RBFOX1: variants seen among roughly 807,000 people sequenced by gnomAD.
RBFOX1 encodes the protein RNA binding fox-1 homolog 1, also known as RNA binding protein fox-1 homolog 1.
RBFOX1 carries 8 observed loss-of-function variants against 57.7 expected under a neutral mutation model. The ratio of observed to expected loss-of-function variants is 0.14; its 90% CI spans 0.08 to 0.25. The LOEUF is 0.25. Ranked by LOEUF, RBFOX1 falls within the 10% of genes least tolerant of loss-of-function variation. The pLI is 1.00. For missense variants in RBFOX1, 611 were observed against 548.5 expected (o/e 1.11, Z -1.14); for synonymous variants, 326 against 222.4 (o/e 1.47, Z -4.15).
intron 4 of RBFOX1, among the ~76,000 whole-genome samples, chr16:5,935,031 A>G (rs773553582): frequency 2.0e-5 from 3 of 152,220 alleles, no homozygotes; most frequent in Non-Finnish European, 4.4e-5. Context: ...TTTGGGCCAC[A>G]TGATTAAACA....
At chr16:6,519,470 T>G (rs8047527) in intron 2 of RBFOX1, among the ~76,000 whole-genome samples, 123,167 of 152,026 alleles carry the variant, frequency 0.81, 49,911 homozygotes, top group East Asian at 0.89. Flanking sequence ...GGAGGCCAAC[T>G]CAGGAAGATC....
intron 2 of RBFOX1, among the ~76,000 whole-genome samples, chr16:6,532,202 C>A (rs1325296470): frequency 6.6e-6 from 1 of 152,134 alleles, no homozygotes; most frequent in African/African-American, 2.4e-5. Flanking sequence ...CTTTATCTTC[C>A]AGAGTGGGAA....
rs113877362 is a variant in RBFOX1, at chr16:6,835,382, T to C, written c.-16+180732T>C. Among the ~76,000 whole-genome samples the C allele has an allele frequency of 1.1e-3, 171 of 152,208 alleles. 1 individual carries two copies. Among genetic ancestry groups the C allele is most frequent in the African/African-American group, 3.7e-3 (153 of 41,538 alleles). ...TGCATAATCAGGACAGGAAAAGATA[T>C]AGGACCTGTATTAAAGGGACACAAG... On this transcript the variant is annotated intron_variant, in intron 3 of 15. Coordinates refer to ENST00000550418, the MANE Select transcript of RBFOX1 (RefSeq NM_018723.4).
chr16:7,296,898 C>G (rs561830676), intron 4 of RBFOX1, among the ~76,000 whole-genome samples: 14 of 152,286 alleles, frequency 9.2e-5, no homozygotes, highest in African/African-American at 3.1e-4. Flanking sequence ...GCCCCTGAGT[C>G]CTGTGTTTCT....
intron 2 of RBFOX1, among the ~76,000 whole-genome samples, chr16:6,414,718 T>A (rs1310705335): frequency 6.6e-6 from 1 of 152,138 alleles, no homozygotes; most frequent in Non-Finnish European, 1.5e-5. Flanking sequence ...TATAATACAG[T>A]CTCTCTTCAA....
intron 4 of RBFOX1, among the ~76,000 whole-genome samples, chr16:7,104,422 A>C (rs181280852): frequency 6.6e-6 from 1 of 152,106 alleles, no homozygotes; most frequent in Admixed American, 6.6e-5. Context: ...AAAACAGACT[A>C]TTGTCATCCT....
intron 4 of RBFOX1, among the ~76,000 whole-genome samples, chr16:7,112,484 G>C (rs2064996746): frequency 6.6e-6 from 1 of 151,650 alleles, no homozygotes; most frequent in Non-Finnish European, 1.5e-5. Flanking sequence ...TGGGATTACA[G>C]GCATGAGCCA....
At chr16:5,492,335 C>G (rs925091053) in intron 2 of RBFOX1, among the ~76,000 whole-genome samples, 2 of 152,182 alleles carry the variant, frequency 1.3e-5, no homozygotes, top group East Asian at 1.9e-4. Context: ...CTTAGTACTT[C>G]CTGCACGCCA....
chr16:7,419,432 C>G (rs1202038429), intron 4 of RBFOX1, among the ~76,000 whole-genome samples: 1 of 152,238 alleles, frequency 6.6e-6, no homozygotes, highest in Non-Finnish European at 1.5e-5. Context: ...GCATCCCACT[C>G]CCGCCTTGGC....
chr16:6,278,612 A>G (rs1277657831), intron 1 of RBFOX1, among the ~76,000 whole-genome samples: 2 of 152,022 alleles, frequency 1.3e-5, no homozygotes, highest in African/African-American at 2.4e-5. Flanking sequence ...GGGTCTCTAC[A>G]AAGATTTCCT....
chr16:6,687,346 A>C (rs1429498746), intron 3 of RBFOX1, among the ~76,000 whole-genome samples: 1 of 152,216 alleles, frequency 6.6e-6, no homozygotes, highest in Non-Finnish European at 1.5e-5. Context: ...AATGTACACT[A>C]CTTGCGTGAC....
intron 1 of RBFOX1, among the ~76,000 whole-genome samples, chr16:5,331,886 G>A (rs117024625): frequency 6.6e-6 from 1 of 152,236 alleles, no homozygotes; most frequent in Non-Finnish European, 1.5e-5. Context: ...GGGTCTGCAT[G>A]TTCTTCCCTT....
chr16:7,192,428 C>T (rs2085639882), intron 4 of RBFOX1, among the ~76,000 whole-genome samples: 1 of 152,070 alleles, frequency 6.6e-6, no homozygotes, highest in African/African-American at 2.4e-5. Flanking sequence ...CCTATAGAGG[C>T]CAGAAGGGTC....
chr16:7,304,434 G>A (rs1265463708), intron 4 of RBFOX1: 2 of 985,246 alleles, frequency 2.0e-6, no homozygotes, highest in Non-Finnish European at 1.2e-6. Context: ...TCCCCAACGT[G>A]GGCATGTGTC....
At chr16:5,602,463 C>G (rs1173577457), downstream of RBFOX1, among the ~76,000 whole-genome samples, 2 of 152,160 alleles carry the variant, frequency 1.3e-5, no homozygotes, top group African/African-American at 4.8e-5. Flanking sequence ...AGTCCAATTC[C>G]AAGCTGCTGC....
intron 2 of RBFOX1, among the ~76,000 whole-genome samples, chr16:6,527,094 CCTTT>C (rs2096591374): frequency 6.6e-6 from 1 of 151,880 alleles, no homozygotes; most frequent in Non-Finnish European, 1.5e-5. Context: ...GTACCCATTG[CCTTT>C]CTTTTTAAAT....
At chr16:5,260,269 T>C (rs772949603) in intron 1 of RBFOX1, among the ~76,000 whole-genome samples, 6 of 151,812 alleles carry the variant, frequency 4.0e-5, no homozygotes, top group Non-Finnish European at 8.8e-5. Flanking sequence ...AATTAATGAA[T>C]ACAGAAAAGT....
intron 3 of RBFOX1, among the ~76,000 whole-genome samples, chr16:6,779,087 C>T (rs1478908334): frequency 6.6e-6 from 1 of 151,982 alleles, no homozygotes; most frequent in Non-Finnish European, 1.5e-5. Context: ...TCCTATTGTG[C>T]TAGTGAATAC....
intron 3 of RBFOX1, among the ~76,000 whole-genome samples, chr16:5,646,495 T>A (rs536581546): frequency 1.3e-5 from 2 of 152,228 alleles, no homozygotes; most frequent in African/African-American, 4.8e-5. Flanking sequence ...AAATACTGAC[T>A]GTGACAATAG....
Sources: allele counts gnomAD v4.1 joint callset (sites outside exome capture counted in the v4.1 genomes callset), GRCh38; gene constraint gnomAD v4.1.1; transcripts MANE v1.5; gene names NCBI Gene and HGNC (gene_info 2026-07-23, HGNC 2026-07-21).